The following MCUR1 variants were observed in gnomAD, a reference collection of about 807,000 sequenced individuals.
MCUR1 encodes the protein mitochondrial calcium uniporter regulator 1.
In MCUR1, 37 loss-of-function variants were observed where a neutral mutation model predicts 42.0. The ratio of observed to expected loss-of-function variants is 0.88; its 90% confidence interval spans 0.68 to 1.16. The LOEUF (loss-of-function observed/expected upper bound fraction) is 1.16. Ranked by LOEUF, MCUR1 falls within the 50% of genes most tolerant of loss-of-function variation. MCUR1 has a pLI of 0.00. For synonymous variants in MCUR1, 229 were observed against 196.2 expected (o/e 1.17, Z -1.40); for missense variants, 469 against 468.4 (o/e 1.00, Z -0.01).
rs774238687 is a variant in MCUR1 at position 13,791,945 on chromosome 6, T to C, written c.957A>G (p.Glu319=). ...TGGTTTTGAGGCCAGCAACCTCAGT[T>C]TCGATCTTCCTGTCTGTCTGGGTAA... ...RALTQTDRKI[E]TEVAGLKTML... The change falls in exon 8 of 9, where the codon GAA becomes GAG. Residue 319 remains glutamate (E), a synonymous_variant. Transcript: ENST00000379170. 3.1e-6 allele frequency: 5 copies of C among 1,614,112 alleles called. No homozygotes were observed. The highest frequency in any genetic ancestry group is 2.5e-6 in the Non-Finnish European group (3 of 1,180,006).
chr6:13,803,846 T>C (rs932871284), intron 2 of MCUR1: 4 of 985,282 alleles, frequency 4.1e-6, no homozygotes, highest in Non-Finnish European at 3.6e-6. Flanking sequence ...TAAGAAGAGT[T>C]CACTGGCTGG....
At chr6:13,798,719 T>A (rs1257241985) in intron 6 of MCUR1, 114 bp downstream of exon 6, 6 of 706,534 alleles carry the variant, frequency 8.5e-6, no homozygotes, top group Non-Finnish European at 1.4e-5. Flanking sequence ...CTAACACTGA[T>A]AAACAGATAA....
chr6:13,795,108 G>A (rs1349606371), intron 6 of MCUR1, among the ~76,000 whole-genome samples: 2 of 150,380 alleles, frequency 1.3e-5, no homozygotes, highest in African/African-American at 2.5e-5. Context: ...TGGGACTACT[G>A]GGAGCTTAGA....
At chr6:13,813,034 T>C (rs1584992574) in intron 1 of MCUR1, among the ~76,000 whole-genome samples, 1 of 152,224 alleles carries the variant, frequency 6.6e-6, no homozygotes, top group African/African-American at 2.4e-5. Context: ...CTACCTTTTC[T>C]ACATTTAGAT....
In MCUR1 at chr6:13,787,484, G is replaced by C. The variant is rs1317939447; in HGVS notation, c.*3325C>G. On this transcript the variant is annotated 3_prime_UTR_variant, in exon 9 of 9. Transcript: ENST00000379170. Reference sequence around the variant, plus strand: ...AGTAAAGAACCGTACACACAAGCAGGTTTTGCTTATTAATGTAGCAGGAGA... The same window carrying C: ...AGTAAAGAACCGTACACACAAGCAGCTTTTGCTTATTAATGTAGCAGGAGA... The C allele has an allele frequency of 1.3e-5, 2 of 152,148 alleles. No individual in the cohort carries two copies. Among genetic ancestry groups the C allele is most frequent in the Admixed American group, 6.5e-5 (1 of 15,272 alleles). 9.4% of individuals were successfully genotyped at this position (152,148 alleles called of 1,614,324 possible).
chr6:13,809,212 A>C (rs1405194592), intron 1 of MCUR1, among the ~76,000 whole-genome samples: 1 of 151,990 alleles, frequency 6.6e-6, no homozygotes, highest in East Asian at 1.9e-4. Context: ...CTGCCACCTT[A>C]ATATTAAGTA....
Position 13,811,012 on chromosome 6 carries a change from C to G in MCUR1, c.415+3003G>C, listed in dbSNP as rs1398119085. Among the ~76,000 whole-genome samples, 5 of 152,194 alleles carry G rather than the reference C, an allele frequency of 3.3e-5. No individual in the cohort carries two copies. In the East Asian group the frequency reaches 9.6e-4, roughly 29 times the overall value. On this transcript the variant is annotated intron_variant, in intron 1 of 8. Coordinates refer to ENST00000379170, the MANE Select transcript of MCUR1 (RefSeq NM_001031713.4). ...TTGCATGCTTAAGCATGGCTTGCTC[C>G]CCTTTCCCAATCGTTAAACTTTAAG... is the stretch of plus-strand genomic sequence containing the variant.
Position 13,814,223 on chromosome 6 carries a change from C to A in MCUR1, c.207G>T (p.Leu69=). Residue 69 remains leucine (L), a synonymous_variant, in exon 1 of 9, where the codon CTG becomes CTT. Coordinates refer to ENST00000379170, the MANE Select transcript of MCUR1 (RefSeq NM_001031713.4). The stretch of plus-strand genomic sequence containing the variant: ...GGGAGGGCACTAGCAGGAGGAGGAG[C>A]AGCGGTGAGGCACGTGACACGCCGC... ...ARGGVSRASP[L]LLLLLVPSPR... 6.8e-7 allele frequency: 1 copy of A among 1,461,708 alleles called. No individual in the cohort carries two copies. Among genetic ancestry groups the A allele is most frequent in the Non-Finnish European group, 9.0e-7 (1 of 1,114,684 alleles). The allele number at this position is 1,461,708 out of a possible 1,614,324, so 90.5% of individuals were successfully genotyped here.
intron 4 of MCUR1, among the ~76,000 whole-genome samples, chr6:13,800,662 C>G (rs1376103374): frequency 2.6e-5 from 4 of 152,126 alleles, no homozygotes; most frequent in Non-Finnish European, 5.9e-5. Flanking sequence ...TTAACTAATC[C>G]TACCCTCAAA....
In MCUR1 at chr6:13,786,925, C is replaced by A. The variant is rs1335387876; in HGVS notation, c.*3884G>T. 1 of 152,094 alleles carries A rather than the reference C, an allele frequency of 6.6e-6. No individual in the cohort carries two copies. The highest frequency in any genetic ancestry group is 2.1e-4 in the South Asian group (1 of 4,830). The allele number at this position is 152,094 out of a possible 1,614,324, so 9.4% of individuals were successfully genotyped here. On this transcript the variant is annotated 3_prime_UTR_variant, in exon 9 of 9. Coordinates refer to ENST00000379170, the MANE Select transcript of MCUR1 (RefSeq NM_001031713.4). ...TAAACATTCTCAAATATTTTACATA[C>A]ATGAAGAATAAATTATTTCTGGTTA...
Position 13,788,217 on chromosome 6 carries a change from C to G in MCUR1, c.*2592G>C, listed in dbSNP as rs994738622. 6.6e-6 allele frequency: 1 copy of G among 152,162 alleles called. No homozygotes were observed. Among genetic ancestry groups the G allele is most frequent in the Non-Finnish European group, 1.5e-5 (1 of 68,044 alleles). 9.4% of individuals were successfully genotyped at this position (152,162 alleles called of 1,614,324 possible). Reference sequence around the variant, plus strand: ...TTTAATATTACGTCTAGTCGGCTCACGGGTGCTTGAGCCAGAAGTGGGAAG... The same window carrying G: ...TTTAATATTACGTCTAGTCGGCTCAGGGGTGCTTGAGCCAGAAGTGGGAAG... On this transcript the variant is annotated 3_prime_UTR_variant, in exon 9 of 9. Transcript: ENST00000379170.
rs918152906 is a variant in MCUR1 at position 13,814,006 on chromosome 6, G to C, written c.415+9C>G. 6.6e-5 allele frequency: 81 copies of C among 1,231,638 alleles called. No individual in the cohort carries two copies. Among genetic ancestry groups the C allele is most frequent in the Non-Finnish European group, 7.9e-5 (78 of 987,144 alleles). 76.3% of individuals were successfully genotyped at this position (1,231,638 alleles called of 1,614,324 possible). On this transcript the variant is annotated intron_variant, in intron 1 of 8. Transcript: ENST00000379170. ...ACGAGCCCCCTCTCCTCTCCCGCCCGGGCCTCACCTCTCCTGCAGGAAACG... is the reference window on the plus strand; with the variant it reads ...ACGAGCCCCCTCTCCTCTCCCGCCCCGGCCTCACCTCTCCTGCAGGAAACG...
Position 13,787,957 on chromosome 6 carries a change from A to G in MCUR1, c.*2852T>C, listed in dbSNP as rs1372136316. The G allele has an allele frequency of 6.6e-6, 1 of 152,230 alleles. No homozygotes were observed. Among genetic ancestry groups the G allele is most frequent in the African/African-American group, 2.4e-5 (1 of 41,422 alleles). 9.4% of individuals were successfully genotyped at this position (152,230 alleles called of 1,614,324 possible). The stretch of plus-strand genomic sequence containing the variant: ...CGTTGCAGTGGTGTAATCTCTGCTC[A>G]CTGCAACCTCTGCCTCCCAGGTTCA... On this transcript the variant is annotated 3_prime_UTR_variant, in exon 9 of 9. Transcript: ENST00000379170.
Position 13,814,542 on chromosome 6 carries a change from A to C in MCUR1, c.-113T>G. 3 of 1,079,376 alleles carry C rather than the reference A, an allele frequency of 2.8e-6. No homozygotes were observed. Among genetic ancestry groups the C allele is most frequent in the Non-Finnish European group, 3.4e-6 (3 of 870,678 alleles). 66.9% of individuals were successfully genotyped at this position (1,079,376 alleles called of 1,614,324 possible). On this transcript the variant is annotated 5_prime_UTR_variant, in exon 1 of 9. Coordinates refer to ENST00000379170, the MANE Select transcript of MCUR1 (RefSeq NM_001031713.4). ...CGGGAGCGAGCGTGGGCCACAGCGC[A>C]GGACCGCCCTTTCCTGCCGGGCGCG...
chr6:13,794,638 G>GTTT (rs11411080), intron 6 of MCUR1, among the ~76,000 whole-genome samples: 75 of 143,734 alleles, frequency 5.2e-4, no homozygotes, highest in African/African-American at 1.6e-3. Flanking sequence ...CACATGTTGG[G>GTTT]TTTTTTTTTT....
Position 13,814,350 on chromosome 6 carries a change from A to T in MCUR1, c.80T>A (p.Leu27His). 1 of 1,518,044 alleles carries T rather than the reference A, an allele frequency of 6.6e-7. No individual in the cohort carries two copies. The highest frequency in any genetic ancestry group is 2.6e-5 in the East Asian group (1 of 37,822). The allele number at this position is 1,518,044 out of a possible 1,614,324, so 94.0% of individuals were successfully genotyped here. A position where few individuals can be genotyped will look rare whatever the true frequency, so the allele number is the denominator to read the frequency against. ...RQRLLFLPVG[L>H]SGRPGGSETS... is the part of the protein sequence containing the mutation. ...TTCGCTGCCGCCCGGTCTTCCGCTG[A>T]GGCCCACGGGCAAGAAGAGAAGCCG... Residue 27 changes from leucine to histidine, a missense_variant, in exon 1 of 9, where the codon CTC becomes CAC. Physicochemically the swap from Leu to His is moderately conservative, Grantham distance 99. Coordinates refer to ENST00000379170, the MANE Select transcript of MCUR1 (RefSeq NM_001031713.4).
At chr6:13,802,731 TTTC>T (rs1251107916) in intron 2 of MCUR1, among the ~76,000 whole-genome samples, 5 of 152,244 alleles carry the variant, frequency 3.3e-5, no homozygotes, top group Admixed American at 2.6e-4. Flanking sequence ...TCATTTTTAT[TTTC>T]TTCTTTATGT....
intron 6 of MCUR1, among the ~76,000 whole-genome samples, chr6:13,794,439 GACTCA>G (rs926340258): frequency 1.3e-5 from 2 of 152,110 alleles, no homozygotes; most frequent in Admixed American, 6.6e-5. Flanking sequence ...TGAAAATGGA[GACTCA>G]ACTCAATTTA....
intron 8 of MCUR1, among the ~76,000 whole-genome samples, chr6:13,791,487 C>T (rs1006544966): frequency 2.0e-5 from 3 of 152,132 alleles, no homozygotes; most frequent in East Asian, 1.9e-4. Context: ...GATCAAAAAT[C>T]GCGAAAGTAA....
Sources: allele counts gnomAD v4.1 joint callset (sites outside exome capture counted in the v4.1 genomes callset), GRCh38; gene constraint gnomAD v4.1.1; transcripts MANE v1.5; gene names NCBI Gene and HGNC (gene_info 2026-07-23, HGNC 2026-07-21).